ZNF804B: variants seen among roughly 807,000 people sequenced by gnomAD.
The protein encoded by ZNF804B is zinc finger 804B.
In ZNF804B, 80 loss-of-function variants were observed where a neutral mutation model predicts 101.4. The observed-to-expected ratio is 0.79, with a 90% confidence interval of 0.66 to 0.95. The LOEUF is 0.95. Ranked by LOEUF, ZNF804B falls within the 40% of genes least tolerant of loss-of-function variation. ZNF804B has a pLI of 0.00. For synonymous variants in ZNF804B, 622 were observed against 558.8 expected (o/e 1.11, Z -1.59); for missense variants, 1,673 against 1,561.9 (o/e 1.07, Z -1.20).
At chr7:89,071,533 T>C (rs1489450418) in intron 1 of ZNF804B, among the ~76,000 whole-genome samples, 1 of 152,076 alleles carries the variant, frequency 6.6e-6, no homozygotes, top group African/African-American at 2.4e-5. Flanking sequence ...CAGGAAGCAG[T>C]AGTGCCCACA....
chr7:89,316,908 C>T (rs945477930), intron 2 of ZNF804B, among the ~76,000 whole-genome samples: 1 of 152,168 alleles, frequency 6.6e-6, no homozygotes, highest in Non-Finnish European at 1.5e-5. Context: ...ACAAGGAAAA[C>T]CCTCCCACAT....
intron 1 of ZNF804B, among the ~76,000 whole-genome samples, chr7:88,961,456 T>G (rs1793384539): frequency 6.6e-6 from 1 of 151,372 alleles, no homozygotes; most frequent in South Asian, 2.1e-4. Context: ...GTTTGAGGTA[T>G]CCACAAAGGA....
At chr7:89,259,690 A>AAT (rs1277735704) in intron 2 of ZNF804B, among the ~76,000 whole-genome samples, 5 of 152,306 alleles carry the variant, frequency 3.3e-5, no homozygotes, top group African/African-American at 9.6e-5. Context: ...GGCATTGTCC[A>AAT]ATAGCAAAAG....
chr7:89,143,252 C>T (rs62461906), intron 1 of ZNF804B, among the ~76,000 whole-genome samples: 10,532 of 151,894 alleles, frequency 0.069, 451 homozygotes, highest in South Asian at 0.091. Flanking sequence ...GGACACAGTT[C>T]TGTGTTAGGG....
intron 1 of ZNF804B, among the ~76,000 whole-genome samples, chr7:88,937,750 G>A (rs1396994360): frequency 6.6e-6 from 1 of 152,038 alleles, no homozygotes; most frequent in Non-Finnish European, 1.5e-5. Flanking sequence ...CAATATGTGT[G>A]CACCTTTCAT....
At chr7:89,092,003 G>A (rs760058829) in intron 1 of ZNF804B, among the ~76,000 whole-genome samples, 4 of 151,982 alleles carry the variant, frequency 2.6e-5, no homozygotes, top group Non-Finnish European at 5.9e-5. Flanking sequence ...GTCTTAGTTT[G>A]TGTAGGCTAT....
chr7:89,243,657 A>G (rs1376653397), intron 2 of ZNF804B, among the ~76,000 whole-genome samples: 1 of 151,904 alleles, frequency 6.6e-6, no homozygotes, highest in Admixed American at 6.6e-5. Flanking sequence ...AAACATAAAC[A>G]AAGGACTATT....
rs1309130373 is a variant in ZNF804B at position 89,334,132 on chromosome 7, C to T, written c.1150C>T (p.Leu384=). The T allele has an allele frequency of 1.2e-6, 2 of 1,613,664 alleles. No individual in the cohort carries two copies. The highest frequency in any genetic ancestry group is 1.1e-5 in the South Asian group (1 of 91,074). Residue 384 remains leucine, a synonymous_variant, in exon 4 of 4, where the codon CTG becomes TTG. Coordinates refer to ENST00000333190, the MANE Select transcript of ZNF804B (RefSeq NM_181646.5). ...TAGTGATGCCAGGATATCTGAATGC[C>T]TGGATGAGTTTTCATCACTGGAGCC... The part of the protein sequence containing the change: ...NHSDARISEC[L]DEFSSLEPSE...
intron 2 of ZNF804B, among the ~76,000 whole-genome samples, chr7:89,294,384 T>C (rs1462629263): frequency 6.6e-6 from 1 of 152,196 alleles, no homozygotes; most frequent in Admixed American, 6.6e-5. Context: ...TACTGCTTCA[T>C]TGTAGCCCAG....
intron 1 of ZNF804B, among the ~76,000 whole-genome samples, chr7:88,927,613 A>G (rs1289957206): frequency 6.6e-6 from 1 of 152,098 alleles, no homozygotes; most frequent in Non-Finnish European, 1.5e-5. Flanking sequence ...TTGATTCTGC[A>G]GAATATTTCT....
At chr7:89,184,819 G>A (rs1040285618) in intron 1 of ZNF804B, among the ~76,000 whole-genome samples, 7 of 152,038 alleles carry the variant, frequency 4.6e-5, no homozygotes, top group African/African-American at 1.7e-4. Flanking sequence ...TAACATATTT[G>A]CCAAAACTAA....
chr7:89,308,196 T>C (rs1790595158), intron 2 of ZNF804B, among the ~76,000 whole-genome samples: 1 of 152,074 alleles, frequency 6.6e-6, no homozygotes, highest in African/African-American at 2.4e-5. Flanking sequence ...AGTACCTTCA[T>C]GCAAAAATAG....
At chr7:89,199,496 T>C (rs1341455124) in intron 1 of ZNF804B, among the ~76,000 whole-genome samples, 1 of 151,990 alleles carries the variant, frequency 6.6e-6, no homozygotes, top group Non-Finnish European at 1.5e-5. Context: ...GCTTTTACTA[T>C]ACTAAGTATT....
intron 1 of ZNF804B, among the ~76,000 whole-genome samples, chr7:89,185,319 G>T (rs1442384880): frequency 2.0e-5 from 3 of 152,116 alleles, no homozygotes; most frequent in Non-Finnish European, 4.4e-5. Flanking sequence ...ACGCATAGAA[G>T]ATACAAAATA....
chr7:88,780,898 A>G (rs1402327092), intron 1 of ZNF804B, among the ~76,000 whole-genome samples: 1 of 152,166 alleles, frequency 6.6e-6, no homozygotes, highest in Non-Finnish European at 1.5e-5. Context: ...CCTTATCATT[A>G]TGCACTTTTA....
intron 1 of ZNF804B, among the ~76,000 whole-genome samples, chr7:88,966,373 A>G (rs1241264416): frequency 1.3e-5 from 2 of 151,542 alleles, no homozygotes; most frequent in African/African-American, 2.4e-5. Context: ...GCAACTAATC[A>G]TAACTGTACA....
At chr7:89,233,246 T>C (rs1462267244) in intron 2 of ZNF804B, among the ~76,000 whole-genome samples, 2 of 152,246 alleles carry the variant, frequency 1.3e-5, no homozygotes, top group East Asian at 3.9e-4. Flanking sequence ...TTTTTAAAGG[T>C]TTATTTGCTT....
intron 1 of ZNF804B, among the ~76,000 whole-genome samples, chr7:88,920,154 A>G (rs899643666): frequency 1.3e-5 from 2 of 152,126 alleles, no homozygotes; most frequent in African/African-American, 2.4e-5. Flanking sequence ...ATGTAGAACT[A>G]TTTTAAAGAA....
At chr7:88,835,934 G>C (rs761512556) in intron 1 of ZNF804B, among the ~76,000 whole-genome samples, 5 of 151,954 alleles carry the variant, frequency 3.3e-5, no homozygotes, top group Non-Finnish European at 4.4e-5. Context: ...CTATGGGAAA[G>C]AGTAAAGAGG....
Sources: allele counts gnomAD v4.1 joint callset (sites outside exome capture counted in the v4.1 genomes callset), GRCh38; gene constraint gnomAD v4.1.1; transcripts MANE v1.5; gene names NCBI Gene and HGNC (gene_info 2026-07-23, HGNC 2026-07-21).